METAP1D: variants seen among roughly 807,000 people sequenced by gnomAD.
METAP1D encodes the protein methionine aminopeptidase 1D, mitochondrial.
In METAP1D, 31 loss-of-function variants were observed where a neutral mutation model predicts 40.5. The ratio of observed to expected loss-of-function variants is 0.77; its 90% CI spans 0.58 to 1.03. METAP1D has a LOEUF of 1.03. METAP1D is among the 50% of genes least tolerant of loss of function. The pLI is 0.00. For missense variants in METAP1D, 411 were observed against 420.7 expected (o/e 0.98, Z 0.20); for synonymous variants, 151 against 146.4 (o/e 1.03, Z -0.22).
intron 1 of METAP1D, among the ~76,000 whole-genome samples, chr2:172,031,849 A>G (rs1488364424): frequency 6.6e-6 from 1 of 152,232 alleles, no homozygotes; most frequent in Non-Finnish European, 1.5e-5. Flanking sequence ...CTTTTCAGCC[A>G]TGGGAATAAC....
In METAP1D at chr2:172,019,268, C is replaced by T. The variant is rs905470938; in HGVS notation, c.40+19259C>T. Among the ~76,000 whole-genome samples, 4 of 151,768 alleles carry T rather than the reference C, an allele frequency of 2.6e-5. No homozygotes were observed. The South Asian group carries it at 6.3e-4, about 24-fold the overall frequency. On this transcript the variant is annotated intron_variant, in intron 1 of 9. Coordinates refer to ENST00000315796, the MANE Select transcript of METAP1D (RefSeq NM_199227.3). ...GAAAGAGTGTGAGATAGGAGGATCA[C>T]TTGAGCTGCCACTGCATTGTACTCC...
At position 172,042,851 on chromosome 2, in the gene METAP1D, A is replaced by ACACATATACGTGTGTGTG. The variant is rs1689626504; in HGVS notation, c.41-18647_41-18646insCACATATACGTGTGTGTG. Among the ~76,000 whole-genome samples, 8 of 6,696 alleles carry ACACATATACGTGTGTGTG rather than the reference A, an allele frequency of 1.2e-3. 4 individuals are homozygous for ACACATATACGTGTGTGTG. The highest frequency in any genetic ancestry group is 2.1e-3 in the Non-Finnish European group (6 of 2,926). The allele number at this position is 6,696 out of a possible 152,430, so 4.4% of individuals were successfully genotyped here. On this transcript the variant is annotated intron_variant, in intron 1 of 9. Transcript: ENST00000315796. ...TATGTACACATATACGTGTGTGTGTATATATGTACATATATGTGTATGTGT... is the reference window on the plus strand; with the variant it reads ...TATGTACACATATACGTGTGTGTGTACACATATACGTGTGTGTGTATATGTACATATATGTGTATGTGT...
intron 1 of METAP1D, among the ~76,000 whole-genome samples, chr2:172,031,767 A>G (rs1689246123): frequency 1.3e-5 from 2 of 152,248 alleles, no homozygotes; most frequent in Non-Finnish European, 1.5e-5. Flanking sequence ...GATTTAAACA[A>G]GGAAGTAACC....
intron 1 of METAP1D, among the ~76,000 whole-genome samples, chr2:172,040,725 G>A (rs938248461): frequency 2.0e-5 from 3 of 146,574 alleles, no homozygotes; most frequent in Admixed American, 1.4e-4. Flanking sequence ...TGTGCTATTT[G>A]CTTTGATACA....
chr2:172,026,809 G>A (rs535615824), intron 1 of METAP1D, among the ~76,000 whole-genome samples: 21 of 152,266 alleles, frequency 1.4e-4, no homozygotes, highest in African/African-American at 4.3e-4. Context: ...TTGACGAGGT[G>A]CAAGTACAAA....
At chr2:172,027,551 T>C (rs1689145793) in intron 1 of METAP1D, among the ~76,000 whole-genome samples, 1 of 152,258 alleles carries the variant, frequency 6.6e-6, no homozygotes, top group African/African-American at 2.4e-5. Context: ...AATGATGCAT[T>C]TCTCAGAATG....
chr2:172,041,724 TTTTATATATA>T (rs1420359650), intron 1 of METAP1D, among the ~76,000 whole-genome samples: 4 of 25,440 alleles, frequency 1.6e-4, no homozygotes, highest in Non-Finnish European at 2.9e-4. Context: ...ACTCTAATTA[TTTTATATATA>T]TATATATATA....
intron 1 of METAP1D, among the ~76,000 whole-genome samples, chr2:172,060,046 G>A (rs1218668620): frequency 1.3e-5 from 2 of 151,546 alleles, no homozygotes; most frequent in African/African-American, 2.4e-5. Flanking sequence ...GTGAGACTCC[G>A]TCTCAAAAAA....
At chr2:172,051,091 CT>C (rs1239114163) in intron 1 of METAP1D, among the ~76,000 whole-genome samples, 2 of 152,108 alleles carry the variant, frequency 1.3e-5, no homozygotes, top group Admixed American at 6.5e-5. Context: ...TTGAAGTAAA[CT>C]TTTTTTGTCT....
intron 1 of METAP1D, among the ~76,000 whole-genome samples, chr2:172,025,243 G>C (rs1255632617): frequency 6.6e-6 from 1 of 152,126 alleles, no homozygotes; most frequent in East Asian, 1.9e-4. Flanking sequence ...TGCAATTATT[G>C]GACCACAGGA....
intron 1 of METAP1D, among the ~76,000 whole-genome samples, chr2:172,054,135 G>C (rs1689946629): frequency 6.6e-6 from 1 of 152,136 alleles, no homozygotes; most frequent in Admixed American, 6.6e-5. Flanking sequence ...ATGTGGTATA[G>C]GATGCATGAG....
chr2:172,059,926 C>T (rs1350208818), intron 1 of METAP1D, among the ~76,000 whole-genome samples: 1 of 152,148 alleles, frequency 6.6e-6, no homozygotes, highest in African/African-American at 2.4e-5. Context: ...TGGTGCGCGC[C>T]TGCAGTCCCA....
chr2:172,042,681 GTGTATA>G, intron 1 of METAP1D, among the ~76,000 whole-genome samples: 1 of 25,146 alleles, frequency 4.0e-5, no homozygotes, highest in African/African-American at 1.4e-4. Flanking sequence ...ACGTGTGTAT[GTGTATA>G]TGTGTACACA....
chr2:172,065,756 T>C lies in METAP1D; in HGVS notation c.497+4T>C. 6.2e-6 allele frequency: 10 copies of C among 1,612,996 alleles called. No individual in the cohort carries two copies. Among genetic ancestry groups the C allele is most frequent in the Non-Finnish European group, 8.5e-6 (10 of 1,179,576 alleles). On this transcript the variant is annotated splice_donor_region_variant and intron_variant, in intron 4 of 9. Transcript: ENST00000315796. The stretch of plus-strand genomic sequence containing the variant: ...TCTGTCATGGTATTCCTGACAGGTA[T>C]TCAGTTCTTAATAACATATTGTTCC...
Position 172,010,035 on chromosome 2 carries a change from A to G in METAP1D, c.40+10026A>G, listed in dbSNP as rs192150415. On this transcript the variant is annotated intron_variant, in intron 1 of 9. Transcript: ENST00000315796. ...TGACTAAGTATCAGTGAATTTGGCC[A>G]CTAGTGATGATGGCGGCTTGGAGCA... Among the ~76,000 whole-genome samples the G allele has an allele frequency of 1.8e-4, 27 of 152,216 alleles. No individual in the cohort carries two copies. In the East Asian group the frequency reaches 3.9e-3, roughly 22 times the overall value.
chr2:172,008,930 T>G (rs948940085), intron 1 of METAP1D, among the ~76,000 whole-genome samples: 5 of 152,196 alleles, frequency 3.3e-5, no homozygotes, highest in African/African-American at 1.2e-4. Context: ...GGTGTGGACC[T>G]GCTGACAAAA....
intron 1 of METAP1D, among the ~76,000 whole-genome samples, chr2:172,045,627 C>T (rs1418096231): frequency 7.3e-6 from 1 of 137,576 alleles, no homozygotes; most frequent in African/African-American, 2.8e-5. Context: ...TGCCATTGCA[C>T]TCCAGCCTGG....
At chr2:172,071,489 T>G (rs1209739381) in intron 6 of METAP1D, among the ~76,000 whole-genome samples, 3 of 152,222 alleles carry the variant, frequency 2.0e-5, no homozygotes, top group Admixed American at 6.5e-5. Flanking sequence ...TTCTGTGATA[T>G]GAAGATAATA....
chr2:172,045,815 G>GTATATATA (rs1481007010), intron 1 of METAP1D, among the ~76,000 whole-genome samples: 48 of 24,246 alleles, frequency 2.0e-3, no homozygotes, highest in East Asian at 5.8e-3. Flanking sequence ...GTGTGTGTGT[G>GTATATATA]TGTGTATATA....
Sources: allele counts gnomAD v4.1 joint callset (sites outside exome capture counted in the v4.1 genomes callset), GRCh38; gene constraint gnomAD v4.1.1; transcripts MANE v1.5; gene names NCBI Gene and HGNC (gene_info 2026-07-23, HGNC 2026-07-21).